The following SBF2 variants were observed in gnomAD, a reference collection of about 807,000 sequenced individuals.
SBF2 encodes myotubularin-related protein 13.
In SBF2, 112 loss-of-function variants were observed where a neutral mutation model predicts 225.2. The ratio of observed to expected loss-of-function variants is 0.50; its 90% confidence interval spans 0.43 to 0.58. The LOEUF is 0.58. Ranked by LOEUF, SBF2 falls within the 20% of genes least tolerant of loss-of-function variation. The probability of loss-of-function intolerance (pLI) is 0.00; values close to 1 mark genes in which losing one functional copy is unlikely to be tolerated. For missense variants in SBF2, 1,996 were observed against 2,206.2 expected, an observed-to-expected ratio of 0.90 and a Z score of 1.91; for synonymous variants, 763 against 773.3, an observed-to-expected ratio of 0.99 and a Z score of 0.22.
Position 9,858,241 on chromosome 11 carries a change from C to A in SBF2, c.2085G>T (p.Pro695=), listed in dbSNP as rs148241076. The change falls in exon 18 of 40, where the codon CCG becomes CCT. Residue 695 remains proline (P), a synonymous_variant. Coordinates refer to ENST00000256190, the MANE Select transcript of SBF2 (RefSeq NM_030962.4). ...YLSAKEDNHA[P]HLKQKDKLPD... is the part of the protein sequence containing the mutation. ...TCTCTCTTACCTTTTGCTTCAGATG[C>A]GGGGCATGATTGTCTTCCTTGGCTG... 2.5e-6 allele frequency: 4 copies of A among 1,614,066 alleles called. No homozygotes were observed. In the East Asian group the frequency reaches 6.7e-5, roughly 27 times the overall value.
At chr11:9,899,464 G>A (rs936469986) in intron 16 of SBF2, among the ~76,000 whole-genome samples, 8 of 147,998 alleles carry the variant, frequency 5.4e-5, no homozygotes, top group Admixed American at 2.0e-4. Flanking sequence ...TGATCATGCC[G>A]TGACACCCCA....
At chr11:10,112,930 A>G (rs1422546014) in intron 2 of SBF2, among the ~76,000 whole-genome samples, 1 of 152,252 alleles carries the variant, frequency 6.6e-6, no homozygotes. Context: ...CTCCTGAATT[A>G]TTTCTAAAAA....
At chr11:9,911,094 A>G (rs1478313119) in intron 16 of SBF2, among the ~76,000 whole-genome samples, 1 of 151,646 alleles carries the variant, frequency 6.6e-6, no homozygotes, top group African/African-American at 2.4e-5. Flanking sequence ...ACGACTGGGC[A>G]CGGTGGCTCA....
intron 1 of SBF2, among the ~76,000 whole-genome samples, chr11:10,217,223 T>C (rs987259997): frequency 3.9e-5 from 6 of 152,206 alleles, no homozygotes; most frequent in African/African-American, 9.7e-5. Context: ...GGAGAACTAA[T>C]AGATGCTGTC....
intron 2 of SBF2, among the ~76,000 whole-genome samples, chr11:10,097,590 A>C (rs1952081399): frequency 1.3e-5 from 2 of 152,220 alleles, no homozygotes; most frequent in South Asian, 4.1e-4. Context: ...GAAATAGGAA[A>C]TTTCAGCCAT....
At chr11:10,131,997 G>GT (rs1487939852) in intron 2 of SBF2, among the ~76,000 whole-genome samples, 1 of 152,114 alleles carries the variant, frequency 6.6e-6, no homozygotes, top group Non-Finnish European at 1.5e-5. Context: ...TTAAACTTCA[G>GT]TCTATTATCC....
intron 1 of SBF2, among the ~76,000 whole-genome samples, chr11:10,289,141 C>T (rs945730446): frequency 6.6e-6 from 1 of 152,228 alleles, no homozygotes; most frequent in Non-Finnish European, 1.5e-5. Context: ...CACCCGGGGG[C>T]GCTGTGACAG....
intron 1 of SBF2, among the ~76,000 whole-genome samples, chr11:10,272,988 T>G (rs1017454081): frequency 3.3e-5 from 5 of 151,838 alleles, no homozygotes; most frequent in African/African-American, 1.2e-4. Flanking sequence ...GACAATTACT[T>G]GAACCTGGGA....
At chr11:9,985,475 A>C (rs1195087482) in intron 13 of SBF2, among the ~76,000 whole-genome samples, 1 of 152,180 alleles carries the variant, frequency 6.6e-6, no homozygotes, top group East Asian at 1.9e-4. Flanking sequence ...GGCACTCGCC[A>C]CCATGCCTGG....
chr11:10,062,360 A>G (rs1950481682), intron 2 of SBF2, among the ~76,000 whole-genome samples: 1 of 152,210 alleles, frequency 6.6e-6, no homozygotes, highest in African/African-American at 2.4e-5. Flanking sequence ...TTAACTTAGG[A>G]ACTTCCGCAC....
intron 16 of SBF2, among the ~76,000 whole-genome samples, chr11:9,947,401 A>G (rs1053397996): frequency 6.6e-6 from 1 of 152,228 alleles, no homozygotes; most frequent in Admixed American, 6.5e-5. Context: ...AATATAATAT[A>G]CAAAGTCTAA....
At chr11:9,934,852 C>T (rs1391307402) in intron 16 of SBF2, among the ~76,000 whole-genome samples, 9 of 152,138 alleles carry the variant, frequency 5.9e-5, no homozygotes, top group Admixed American at 5.9e-4. Context: ...CAATATCATA[C>T]TGAATGGGCA....
chr11:9,842,781 T>G lies in SBF2; in HGVS notation c.3111-11A>C, dbSNP rs112646353. 7 of 1,613,830 alleles carry G rather than the reference T, an allele frequency of 4.3e-6. No individual in the cohort carries two copies. The African/African-American group carries it at 5.3e-5, about 12-fold the overall frequency. ...GTTTTTGAGAAGGTACTACAAGTCA[T>G]AAAACCAAAGAGAATGTCAACTTAA... On this transcript the variant is annotated splice_polypyrimidine_tract_variant and intron_variant, in intron 24 of 39. Transcript: ENST00000256190.
At chr11:9,938,447 C>T (rs1865040137) in intron 16 of SBF2, among the ~76,000 whole-genome samples, 1 of 149,464 alleles carries the variant, frequency 6.7e-6, no homozygotes, top group African/African-American at 2.5e-5. Context: ...ATAATCAATG[C>T]CCAGGAATGG....
At chr11:9,920,472 T>A (rs1863531043) in intron 16 of SBF2, among the ~76,000 whole-genome samples, 1 of 152,094 alleles carries the variant, frequency 6.6e-6, no homozygotes, top group Admixed American at 6.6e-5. Flanking sequence ...TTACCACACA[T>A]ATGGATTAGC....
At chr11:10,173,435 A>C (rs956751963) in intron 2 of SBF2, among the ~76,000 whole-genome samples, 2 of 152,230 alleles carry the variant, frequency 1.3e-5, no homozygotes, top group Non-Finnish European at 2.9e-5. Flanking sequence ...TCCCACCCGA[A>C]TACTGCGCTT....
chr11:10,252,922 T>C (rs574036184), intron 1 of SBF2, among the ~76,000 whole-genome samples: 2 of 152,036 alleles, frequency 1.3e-5, no homozygotes, highest in Non-Finnish European at 2.9e-5. Flanking sequence ...TCATTTCCCA[T>C]TTTTTGTCTA....
At chr11:10,177,268 T>C (rs1271144711) in intron 2 of SBF2, among the ~76,000 whole-genome samples, 1 of 150,990 alleles carries the variant, frequency 6.6e-6, no homozygotes, top group African/African-American at 2.4e-5. Flanking sequence ...AGCATTCCCT[T>C]TGAAAACAGG....
intron 1 of SBF2, among the ~76,000 whole-genome samples, chr11:10,270,643 A>G (rs1399470280): frequency 6.6e-6 from 1 of 152,218 alleles, no homozygotes; most frequent in Non-Finnish European, 1.5e-5. Context: ...TAACATGCAG[A>G]TAAGTTTTAA....
Sources: allele counts gnomAD v4.1 joint callset (sites outside exome capture counted in the v4.1 genomes callset), GRCh38; gene constraint gnomAD v4.1.1; transcripts MANE v1.5; gene names NCBI Gene and HGNC (gene_info 2026-07-23, HGNC 2026-07-21).